NRXN3: variants seen among roughly 807,000 people sequenced by gnomAD.
NRXN3 encodes neurexin 3, also known as neurexin III.
NRXN3 carries 32 observed loss-of-function variants against 137.6 expected under a neutral mutation model. That is an observed-to-expected ratio of 0.23 (90% confidence interval 0.18 to 0.31). The LOEUF is 0.31. NRXN3 is among the 10% of genes least tolerant of loss of function. NRXN3 has a pLI of 1.00. For missense variants in NRXN3, 1,574 were observed against 2,062.5 expected (o/e 0.76, Z 4.59); for synonymous variants, 798 against 784.5 (o/e 1.02, Z -0.29).
At chr14:79,732,108 C>T (rs1471615240) in intron 19 of NRXN3, among the ~76,000 whole-genome samples, 1 of 152,080 alleles carries the variant, frequency 6.6e-6, no homozygotes, top group East Asian at 1.9e-4. Context: ...ATTTTTGCCT[C>T]TAGCACATAG....
At chr14:79,117,559 C>T (rs1010261937) in intron 15 of NRXN3, among the ~76,000 whole-genome samples, 2 of 152,028 alleles carry the variant, frequency 1.3e-5, no homozygotes, top group African/African-American at 4.8e-5. Context: ...CTGAGGTATG[C>T]CCCCCAAAAT....
chr14:79,853,977 T>TTTTTTTTC, intron 20 of NRXN3: 1 of 986,704 alleles, frequency 1.0e-6, no homozygotes, highest in South Asian at 4.6e-5. Flanking sequence ...AGTGCAGATT[T>TTTTTTTTC]TTTTTTTCTT....
intron 10 of NRXN3, among the ~76,000 whole-genome samples, chr14:78,833,996 T>C (rs921898243): frequency 3.3e-5 from 5 of 152,132 alleles, no homozygotes; most frequent in Non-Finnish European, 5.9e-5. Flanking sequence ...TAGGAAAATA[T>C]GTTGTGCAGA....
chr14:78,646,247 T>C (rs556949915), intron 5 of NRXN3, among the ~76,000 whole-genome samples: 1 of 152,296 alleles, frequency 6.6e-6, no homozygotes, highest in South Asian at 2.1e-4. Flanking sequence ...TCATGACTAA[T>C]AATAATGATA....
intron 15 of NRXN3, among the ~76,000 whole-genome samples, chr14:79,358,851 C>A (rs1666858598): frequency 6.6e-6 from 1 of 152,102 alleles, no homozygotes; most frequent in Non-Finnish European, 1.5e-5. Flanking sequence ...GCCTTATCCT[C>A]ATACCCTTAA....
At chr14:79,679,020 A>G (rs1055043488) in intron 17 of NRXN3, among the ~76,000 whole-genome samples, 7 of 152,030 alleles carry the variant, frequency 4.6e-5, no homozygotes, top group African/African-American at 1.4e-4. Context: ...TCTTCCACCA[A>G]GATAATATAT....
intron 15 of NRXN3, among the ~76,000 whole-genome samples, chr14:79,311,523 T>C (rs2087290945): frequency 1.1e-5 from 1 of 88,432 alleles, no homozygotes; most frequent in Admixed American, 1.5e-4. Flanking sequence ...CAGTTCCTCC[T>C]TGTACCTCTG....
intron 19 of NRXN3, among the ~76,000 whole-genome samples, chr14:79,706,419 CT>C (rs919138966): frequency 0.045 from 5,201 of 115,974 alleles, 169 homozygotes; most frequent in African/African-American, 0.12. Context: ...GGCTTTTTTA[CT>C]TTTTTTTTTT....
intron 15 of NRXN3, among the ~76,000 whole-genome samples, chr14:79,188,583 T>C (rs1021926027): frequency 6.6e-5 from 10 of 152,148 alleles, no homozygotes; most frequent in African/African-American, 2.4e-4. Context: ...AACTTCAAAC[T>C]CCCCAGAGGG....
chr14:78,685,101 G>A (rs1413352035), intron 6 of NRXN3, among the ~76,000 whole-genome samples: 1 of 152,168 alleles, frequency 6.6e-6, no homozygotes, highest in African/African-American at 2.4e-5. Context: ...TTTCCTCAGT[G>A]CTTTAGGACC....
chr14:78,264,127 A>C (rs1268031899), intron 2 of NRXN3, among the ~76,000 whole-genome samples: 1 of 152,194 alleles, frequency 6.6e-6, no homozygotes, highest in Non-Finnish European at 1.5e-5. Context: ...TAAGAAACTT[A>C]CCCGAGGTCA....
At chr14:78,742,795 A>G (rs998400399) in intron 8 of NRXN3, among the ~76,000 whole-genome samples, 1 of 152,236 alleles carries the variant, frequency 6.6e-6, no homozygotes, top group African/African-American at 2.4e-5. Context: ...TTCTCTTTAT[A>G]ATAATTTATC....
In NRXN3 at chr14:79,005,265, C is replaced by T. The variant is rs1020778350; in HGVS notation, c.3262+17124C>T. ...CAAATTCCAAAGACATTCCCTTGCT[C>T]GGTTTCTTGGCCCCTGCCTTACAGC... On this transcript the variant is annotated intron_variant, in intron 15 of 20. Coordinates refer to ENST00000335750, the MANE Select transcript of NRXN3 (RefSeq NM_001330195.2). Among the ~76,000 whole-genome samples the T allele has an allele frequency of 2.3e-4, 35 of 152,200 alleles. 1 individual carries two copies. Among genetic ancestry groups the T allele is most frequent in the African/African-American group, 6.8e-4 (28 of 41,464 alleles).
chr14:78,370,059 G>A (rs2153615393), intron 4 of NRXN3, among the ~76,000 whole-genome samples: 1 of 152,080 alleles, frequency 6.6e-6, no homozygotes, highest in Non-Finnish European at 1.5e-5. Flanking sequence ...CACCAATCCA[G>A]CCAATGCCAC....
At chr14:79,013,713 C>T (rs893425645) in intron 15 of NRXN3, among the ~76,000 whole-genome samples, 1 of 152,200 alleles carries the variant, frequency 6.6e-6, no homozygotes, top group Admixed American at 6.5e-5. Context: ...AGACCCATGA[C>T]AATCTATAAG....
intron 10 of NRXN3, among the ~76,000 whole-genome samples, chr14:78,948,391 T>A (rs2099373390): frequency 1.3e-5 from 2 of 152,174 alleles, no homozygotes. Context: ...GGTTGCTCTT[T>A]CTTGCAGGCA....
At chr14:78,689,884 G>T (rs891568888) in intron 6 of NRXN3, among the ~76,000 whole-genome samples, 38 of 146,932 alleles carry the variant, frequency 2.6e-4, no homozygotes, top group African/African-American at 8.3e-4. Flanking sequence ...CTTTCTCTCT[G>T]CCCTTCCTTC....
chr14:78,857,072 T>C (rs2099059423), intron 10 of NRXN3, among the ~76,000 whole-genome samples: 1 of 152,158 alleles, frequency 6.6e-6, no homozygotes, highest in Non-Finnish European at 1.5e-5. Context: ...TGGTTACATA[T>C]GTTATGCAAT....
At chr14:79,522,292 A>G (rs1251031129) in intron 16 of NRXN3, among the ~76,000 whole-genome samples, 1 of 152,102 alleles carries the variant, frequency 6.6e-6, no homozygotes, top group Non-Finnish European at 1.5e-5. Context: ...TAAACTGCAG[A>G]GTGGTATGAA....
Sources: gnomAD v4.1 joint callset for allele counts (sites outside exome capture counted in the v4.1 genomes callset) on GRCh38, gnomAD v4.1.1 for gene constraint, MANE v1.5 for transcripts, NCBI Gene and HGNC (gene_info 2026-07-23, HGNC 2026-07-21) for gene names.